Variants in MTX3 observed in about 807,000 individuals in gnomAD.
The protein encoded by MTX3 is metaxin-3.
In MTX3, 27 loss-of-function variants were observed where a neutral mutation model predicts 42.5. The observed-to-expected ratio is 0.64, with a 90% CI of 0.47 to 0.88. The LOEUF (loss-of-function observed/expected upper bound fraction) is 0.88. Among genes scored for constraint, MTX3 ranks in the 40% least tolerant of loss-of-function variants. The probability of loss-of-function intolerance (pLI) is 0.00; values close to 1 mark genes in which losing one functional copy is unlikely to be tolerated. For missense variants in MTX3, 378 were observed against 367.0 expected (o/e 1.03, Z -0.25); for synonymous variants, 144 against 132.9 (o/e 1.08, Z -0.57).
Position 79,982,743 on chromosome 5 carries a change from A to T in MTX3, c.*941T>A, listed in dbSNP as rs1290106117. The T allele has an allele frequency of 4.6e-6, 1 of 215,266 alleles. No individual in the cohort carries two copies. The highest frequency in any genetic ancestry group is 9.5e-6 in the Non-Finnish European group (1 of 105,644). The allele number at this position is 215,266 out of a possible 1,614,324, so 13.3% of individuals were successfully genotyped here. ...CATCTTATGAAAGAATATGCATCTT[A>T]TGAAAGAATATGAGCCAAGCATAGA... is the stretch of plus-strand genomic sequence containing the variant. On this transcript the variant is annotated 3_prime_UTR_variant, in exon 9 of 9. Transcript: ENST00000512528.
intron 8 of MTX3, 35 bp from the exon 9 acceptor site, chr5:79,983,829 C>T: frequency 7.0e-7 from 1 of 1,422,716 alleles, no homozygotes; most frequent in Non-Finnish European, 9.9e-7. Flanking sequence ...CTGACTAATG[C>T]TGTGGCACCG....
chr5:79,983,798 T>C lies in MTX3; in HGVS notation c.829-4A>G, dbSNP rs373654931. The C allele has an allele frequency of 3.7e-6, 6 of 1,603,270 alleles. No individual in the cohort carries two copies. In the Admixed American group the frequency reaches 1.0e-4, roughly 27 times the overall value. ...TTTGGCGAAGATTGTCATCCATCTGTAGAAAGTACAAAAGATACATCTGAC... is the reference window on the plus strand; with the variant it reads ...TTTGGCGAAGATTGTCATCCATCTGCAGAAAGTACAAAAGATACATCTGAC... On this transcript the variant is annotated splice_region_variant and splice_polypyrimidine_tract_variant and intron_variant, in intron 8 of 8. Transcript: ENST00000512528.
chr5:79,986,963 C>G lies in MTX3; in HGVS notation c.726G>C (p.Arg242Ser). ...FCDDILSSYF[R>S]LSLGGISPAG... is the part of the protein sequence containing the mutation. Reference sequence around the variant, plus strand: ...GAGCCAGCTTACCTCCAAGACTAAGCCTAAAATAACTGCTCAGGATGTCAT... The same window carrying G: ...GAGCCAGCTTACCTCCAAGACTAAGGCTAAAATAACTGCTCAGGATGTCAT... The change falls in exon 7 of 9, where the codon AGG (arginine) becomes AGC (serine). Residue 242 changes from arginine to serine, a missense_variant. Transcript: ENST00000512528. 6.2e-7 allele frequency: 1 copy of G among 1,613,710 alleles called. No homozygotes were observed. The highest frequency in any genetic ancestry group is 2.2e-5 in the East Asian group (1 of 44,876).
rs1222026 is a variant in MTX3 at position 79,984,408 on chromosome 5, T to G, written c.829-614A>C. Among the ~76,000 whole-genome samples, 83 of 152,308 alleles carry G rather than the reference T, an allele frequency of 5.4e-4. No homozygotes were observed. The East Asian group carries it at 0.015, about 28-fold the overall frequency. The stretch of plus-strand genomic sequence containing the variant: ...GACCAGCTTTTTAAAACTGAGAATA[T>G]GTAGACCAAAGGAAGCTAGTACATT... On this transcript the variant is annotated intron_variant, in intron 8 of 8. Transcript: ENST00000512528.
In MTX3 at chr5:79,980,635, G is replaced by C. The variant is rs1214369719; in HGVS notation, c.*3049C>G. ...GTTCATGGAAGATCTTCATCTTATG[G>C]GAATTATCTAGTTTTTCTAATCATA... On this transcript the variant is annotated 3_prime_UTR_variant, in exon 9 of 9. Coordinates refer to ENST00000512528, the MANE Select transcript of MTX3 (RefSeq NM_001363818.2). 2 of 151,404 alleles carry C rather than the reference G, an allele frequency of 1.3e-5. No homozygotes were observed. Among genetic ancestry groups the C allele is most frequent in the African/African-American group, 4.9e-5 (2 of 41,200 alleles). The allele number at this position is 151,404 out of a possible 1,614,324, so 9.4% of individuals were successfully genotyped here.
Position 79,983,911 on chromosome 5 carries a change from G to T in MTX3, c.829-117C>A, listed in dbSNP as rs1831431633. 6 of 609,122 alleles carry T rather than the reference G, an allele frequency of 9.9e-6. No homozygotes were observed. The South Asian group carries it at 1.4e-4, about 14-fold the overall frequency. 37.7% of individuals were successfully genotyped at this position (609,122 alleles called of 1,614,324 possible). ...TACAGAACCATATGTTTCCTGGGCT[G>T]CTAGAGAAACCTTTTTCTTACAAAT... On this transcript the variant is annotated intron_variant, in intron 8 of 8. Coordinates refer to ENST00000512528, the MANE Select transcript of MTX3 (RefSeq NM_001363818.2).
intron 7 of MTX3, chr5:79,986,542 GA>G (rs1831493815): frequency 3.1e-6 from 1 of 325,414 alleles, no homozygotes; most frequent in Admixed American, 4.5e-5. Flanking sequence ...ATCTGCTGCT[GA>G]TTTCTGTTCA....
At position 79,978,458 on chromosome 5, in the gene MTX3, C is replaced by T. The variant is rs1831303507; in HGVS notation, c.*5226G>A. The T allele has an allele frequency of 1.3e-5, 2 of 152,328 alleles. No individual in the cohort carries two copies. The highest frequency in any genetic ancestry group is 2.9e-5 in the Non-Finnish European group (2 of 68,204). The allele number at this position is 152,328 out of a possible 1,614,324, so 9.4% of individuals were successfully genotyped here. A position where few individuals can be genotyped will look rare whatever the true frequency, so the allele number is the denominator to read the frequency against. ...TACAAAAATTAGCTGGGCGTGGTGG[C>T]AGGTGCCTGTAATCCCAGTAAATTG... On this transcript the variant is annotated 3_prime_UTR_variant, in exon 9 of 9. Transcript: ENST00000512528.
Position 79,987,012 on chromosome 5 carries a change from A to T in MTX3, c.677T>A (p.Leu226His). 1.2e-6 allele frequency: 2 copies of T among 1,614,032 alleles called. No homozygotes were observed. The highest frequency in any genetic ancestry group is 8.5e-7 in the Non-Finnish European group (1 of 1,179,868). ...KVQLQEHLKQ[L>H]SNLCRFCDDI... Reference sequence around the variant, plus strand: ...ATCACAAAAGCGACAGAGGTTGGAGAGCTGTTTCAGATGTTCTTGTAGCTG... The same window carrying T: ...ATCACAAAAGCGACAGAGGTTGGAGTGCTGTTTCAGATGTTCTTGTAGCTG... The change falls in exon 7 of 9, where the codon CTC becomes CAC. Residue 226 changes from leucine to histidine, a missense_variant. Coordinates refer to ENST00000512528, the MANE Select transcript of MTX3 (RefSeq NM_001363818.2).
At position 79,982,188 on chromosome 5, in the gene MTX3, C is replaced by T. The variant is rs1426569122; in HGVS notation, c.*1496G>A. 1 of 293,036 alleles carries T rather than the reference C, an allele frequency of 3.4e-6. No homozygotes were observed. The highest frequency in any genetic ancestry group is 6.8e-6 in the Non-Finnish European group (1 of 148,096). 18.2% of individuals were successfully genotyped at this position (293,036 alleles called of 1,614,324 possible). On this transcript the variant is annotated 3_prime_UTR_variant, in exon 9 of 9. Coordinates refer to ENST00000512528, the MANE Select transcript of MTX3 (RefSeq NM_001363818.2). The stretch of plus-strand genomic sequence containing the variant: ...GTGCAACTCATGAGGTACTTTCCCT[C>T]ATCCAAACAGATGACCAAGATTTTG...
rs1241472355 is a variant in MTX3 at position 79,981,732 on chromosome 5, T to C, written c.*1952A>G. ...ATTTTAGAATCTGTCAGTGTTGATA[T>C]GGTTCTATAAATTTTTAATTTTTTT... On this transcript the variant is annotated 3_prime_UTR_variant, in exon 9 of 9. Coordinates refer to ENST00000512528, the MANE Select transcript of MTX3 (RefSeq NM_001363818.2). 2 of 152,024 alleles carry C rather than the reference T, an allele frequency of 1.3e-5. No homozygotes were observed. Among genetic ancestry groups the C allele is most frequent in the East Asian group, 1.9e-4 (1 of 5,188 alleles). 9.4% of individuals were successfully genotyped at this position (152,024 alleles called of 1,614,324 possible).
In MTX3 at chr5:79,981,072, C is replaced by G. The variant is rs1404235866; in HGVS notation, c.*2612G>C. On this transcript the variant is annotated 3_prime_UTR_variant, in exon 9 of 9. Transcript: ENST00000512528. ...CCTGTAATCCCAGCTACTTGGGAGG[C>G]TGAGACAGGAGACTTGCTTGAACCC... 2 of 151,952 alleles carry G rather than the reference C, an allele frequency of 1.3e-5. No individual in the cohort carries two copies. Among genetic ancestry groups the G allele is most frequent in the African/African-American group, 4.8e-5 (2 of 41,312 alleles). 9.4% of individuals were successfully genotyped at this position (151,952 alleles called of 1,614,324 possible).
In MTX3 at chr5:79,980,243, C is replaced by T. The variant is rs1270830059; in HGVS notation, c.*3441G>A. 6.6e-6 allele frequency: 1 copy of T among 152,136 alleles called. No individual in the cohort carries two copies. The highest frequency in any genetic ancestry group is 6.5e-5 in the Admixed American group (1 of 15,278). The allele number at this position is 152,136 out of a possible 1,614,324, so 9.4% of individuals were successfully genotyped here. A position where few individuals can be genotyped will look rare whatever the true frequency, so the allele number is the denominator to read the frequency against. ...GCAGCTGCCTTAACCAACAGGTTTT[C>T]TAAGATACTATCCCCCTTACCTGTT... On this transcript the variant is annotated 3_prime_UTR_variant, in exon 9 of 9. Transcript: ENST00000512528.
chr5:79,988,200 T>C, intron 6 of MTX3, 39 bp downstream of exon 6: 1 of 1,152,852 alleles, frequency 8.7e-7, no homozygotes, highest in Non-Finnish European at 1.3e-6. Flanking sequence ...TGAATATATG[T>C]GCACAAAATA....
Position 79,980,251 on chromosome 5 carries a change from C to A in MTX3, c.*3433G>T, listed in dbSNP as rs1831342592. The A allele has an allele frequency of 6.6e-6, 1 of 152,198 alleles. No homozygotes were observed. The highest frequency in any genetic ancestry group is 1.5e-5 in the Non-Finnish European group (1 of 68,028). 9.4% of individuals were successfully genotyped at this position (152,198 alleles called of 1,614,324 possible). On this transcript the variant is annotated 3_prime_UTR_variant, in exon 9 of 9. Coordinates refer to ENST00000512528, the MANE Select transcript of MTX3 (RefSeq NM_001363818.2). Reference sequence around the variant, plus strand: ...CTTAACCAACAGGTTTTCTAAGATACTATCCCCCTTACCTGTTTCTGCCTC... The same window carrying A: ...CTTAACCAACAGGTTTTCTAAGATAATATCCCCCTTACCTGTTTCTGCCTC...
rs561018046 is a variant in MTX3, at chr5:79,976,778, C to T, written c.*6906G>A. Reference sequence around the variant, plus strand: ...AAAATAGCTATTTTGACATTATATCCAGTTTCTCATTTATCAGAATAAATT... The same window carrying T: ...AAAATAGCTATTTTGACATTATATCTAGTTTCTCATTTATCAGAATAAATT... On this transcript the variant is annotated 3_prime_UTR_variant, in exon 9 of 9. Transcript: ENST00000512528. 2 of 152,482 alleles carry T rather than the reference C, an allele frequency of 1.3e-5. No individual in the cohort carries two copies. The highest frequency in any genetic ancestry group is 2.4e-5 in the African/African-American group (1 of 41,392). The allele number at this position is 152,482 out of a possible 1,614,324, so 9.4% of individuals were successfully genotyped here.
At chr5:79,986,210 C>G (rs1331562215) in intron 7 of MTX3, among the ~76,000 whole-genome samples, 18 of 152,182 alleles carry the variant, frequency 1.2e-4, no homozygotes, top group Admixed American at 1.2e-3. Context: ...CTAACCACTG[C>G]TCCCAAGTTA....
chr5:79,989,377 T>C (rs1263238080), intron 3 of MTX3, 133 bp from the exon 4 acceptor site: 7 of 620,422 alleles, frequency 1.1e-5, no homozygotes, highest in South Asian at 2.1e-5. Context: ...GAAAGAGAAA[T>C]ACAAATCCAG....
rs1162032485 is a variant in MTX3, at chr5:79,990,636, A to C, written c.109T>G (p.Leu37Val). The C allele has an allele frequency of 6.2e-7, 1 of 1,613,238 alleles. No homozygotes were observed. Among genetic ancestry groups the C allele is most frequent in the Non-Finnish European group, 8.5e-7 (1 of 1,179,602 alleles). ...GTGTTATCTATCACATTGACTTTCA[A>C]GGGTGCACCAGAAAATTTGGCATAA... ...MAYAKFSGAP[L>V]KVNVIDNTWR... Residue 37 changes from leucine to valine, a missense_variant, in exon 2 of 9, where the codon TTG becomes GTG. By Grantham distance (32) the Leu-to-Val change is conservative. Coordinates refer to ENST00000512528, the MANE Select transcript of MTX3 (RefSeq NM_001363818.2).
Sources: allele counts gnomAD v4.1 joint callset (sites outside exome capture counted in the v4.1 genomes callset), GRCh38; gene constraint gnomAD v4.1.1; transcripts MANE v1.5; gene names NCBI Gene and HGNC (gene_info 2026-07-23, HGNC 2026-07-21).